KAZN: variants seen among roughly 807,000 people sequenced by gnomAD.
The protein encoded by KAZN is kazrin, periplakin interacting protein, also known as kazrin.
KAZN carries 40 observed loss-of-function variants against 87.4 expected under a neutral mutation model. The observed-to-expected ratio is 0.46, with a 90% CI of 0.36 to 0.60. The LOEUF (loss-of-function observed/expected upper bound fraction) is 0.60. Among genes scored for constraint, KAZN ranks in the 20% least tolerant of loss-of-function variants. The pLI is 0.00. For synonymous variants in KAZN, 466 were observed against 458.3 expected, an observed-to-expected ratio of 1.02 and a Z score of -0.22; for missense variants, 898 against 1,073.9, an observed-to-expected ratio of 0.84 and a Z score of 2.29.
At chr1:13,982,614 G>C (rs1638788888) in intron 1 of KAZN, among the ~76,000 whole-genome samples, 3 of 152,208 alleles carry the variant, frequency 2.0e-5, no homozygotes, top group Non-Finnish European at 4.4e-5. Context: ...ACATCCTGCT[G>C]ATTGGTAGAG....
chr1:15,051,007 G>A (rs1205910519), intron 4 of KAZN, among the ~76,000 whole-genome samples: 1 of 152,234 alleles, frequency 6.6e-6, no homozygotes, highest in Non-Finnish European at 1.5e-5. Flanking sequence ...GTGCCACAGA[G>A]TGTGTTTATG....
chr1:15,081,869 T>C lies in KAZN; in HGVS notation c.1223-12311T>C, dbSNP rs1424331209. ...GGGTCACAGCAAGGACCTTGGGCTTTACCAGGGAGCCATTGAAGGATGATG... is the reference window on the plus strand; with the variant it reads ...GGGTCACAGCAAGGACCTTGGGCTTCACCAGGGAGCCATTGAAGGATGATG... On this transcript the variant is annotated intron_variant, in intron 8 of 14. Transcript: ENST00000376030. This position sits in a 1 kb window ranked among gnomAD's most constrained non-coding sequence, Gnocchi z 4.1. Among the ~76,000 whole-genome samples the C allele has an allele frequency of 2.3e-4, 35 of 152,064 alleles. No individual in the cohort carries two copies. Among genetic ancestry groups the C allele is most frequent in the Admixed American group, 2.3e-3 (35 of 15,278 alleles).
At chr1:13,936,247 C>G (rs778854155) in intron 1 of KAZN, among the ~76,000 whole-genome samples, 2 of 151,618 alleles carry the variant, frequency 1.3e-5, no homozygotes, top group Non-Finnish European at 2.9e-5. Context: ...CAGGCATGCA[C>G]CACCATGCCT....
chr1:14,372,148 G>T (rs111259566), intron 2 of KAZN, among the ~76,000 whole-genome samples: 1 of 152,156 alleles, frequency 6.6e-6, no homozygotes, highest in Admixed American at 6.5e-5. Context: ...AGCAAATGAC[G>T]AGTTTGTATC....
chr1:14,448,471 T>A (rs985300862), intron 2 of KAZN, among the ~76,000 whole-genome samples: 5 of 152,158 alleles, frequency 3.3e-5, no homozygotes, highest in Admixed American at 2.0e-4. Flanking sequence ...ATCTGCAGAG[T>A]ATACATGGTC....
chr1:14,625,106 C>T (rs967652117), intron 1 of KAZN, among the ~76,000 whole-genome samples: 4 of 152,100 alleles, frequency 2.6e-5, no homozygotes, highest in Admixed American at 1.3e-4. Flanking sequence ...GGGTCCCCCC[C>T]GACACCGCGT....
chr1:14,534,729 A>C (rs1276305817), intron 2 of KAZN, among the ~76,000 whole-genome samples: 1 of 152,206 alleles, frequency 6.6e-6, no homozygotes, highest in African/African-American at 2.4e-5. Context: ...TCTGCCCCAG[A>C]CACCAGGCTG....
At chr1:14,921,775 A>G (rs924989126) in intron 1 of KAZN, among the ~76,000 whole-genome samples, 4 of 152,220 alleles carry the variant, frequency 2.6e-5, no homozygotes, top group Non-Finnish European at 5.9e-5. Context: ...GTGCTGGCAC[A>G]ATCTCGGCTA....
In KAZN at chr1:14,349,427, A is replaced by G. The variant is rs570196535; in HGVS notation, c.249+168835A>G. 21 of 152,326 alleles carry G rather than the reference A, an allele frequency of 1.4e-4. No homozygotes were observed. The East Asian group carries it at 4.1e-3, about 29-fold the overall frequency. The allele number at this position is 152,326 out of a possible 1,614,324, so 9.4% of individuals were successfully genotyped here. ...AGTCACACATATTATTCCACATTCC[A>G]TATTTTATTTCTTGAAAAATAAAAT... On this transcript the variant is annotated intron_variant, in intron 2 of 16. Coordinates refer to the KAZN transcript ENST00000636203.
chr1:14,613,996 C>G (rs1253218920), intron 1 of KAZN, among the ~76,000 whole-genome samples: 1 of 152,190 alleles, frequency 6.6e-6, no homozygotes, highest in Non-Finnish European at 1.5e-5. Context: ...TGCAGAGTGA[C>G]TTCCTGGTAT....
intron 8 of KAZN, among the ~76,000 whole-genome samples, chr1:15,089,088 C>T (rs1387154493): frequency 1.3e-5 from 2 of 152,102 alleles, no homozygotes; most frequent in Non-Finnish European, 2.9e-5. Flanking sequence ...CTCCCTCTCT[C>T]CCTCTCCTCC....
intron 1 of KAZN, among the ~76,000 whole-genome samples, chr1:14,865,492 G>A (rs61442160): frequency 0.31 from 46,707 of 152,010 alleles, 8,638 homozygotes; most frequent in African/African-American, 0.51. Flanking sequence ...CTGCTGCTGC[G>A]GTGACCTTCC....
At chr1:14,229,276 G>C (rs919894925) in intron 2 of KAZN, among the ~76,000 whole-genome samples, 2 of 152,138 alleles carry the variant, frequency 1.3e-5, no homozygotes, top group Non-Finnish European at 1.5e-5. Context: ...TATAAATGCT[G>C]TTTTGGCACA....
chr1:14,167,691 C>G (rs1388292417), intron 1 of KAZN, among the ~76,000 whole-genome samples: 1 of 152,052 alleles, frequency 6.6e-6, no homozygotes, highest in African/African-American at 2.4e-5. Context: ...CCACTTCACT[C>G]CAGCCTGCGT....
At chr1:13,982,224 A>C (rs993673337) in intron 1 of KAZN, among the ~76,000 whole-genome samples, 1 of 152,136 alleles carries the variant, frequency 6.6e-6, no homozygotes, top group South Asian at 2.1e-4. Context: ...GGGCTGCCTC[A>C]CAGTGCCCAC....
intron 2 of KAZN, among the ~76,000 whole-genome samples, chr1:14,189,852 A>T (rs1646387570): frequency 6.6e-6 from 1 of 152,182 alleles, no homozygotes; most frequent in South Asian, 2.1e-4. Context: ...TTCTTAGGAT[A>T]ACTCTTGGCA....
At chr1:13,992,912 C>G (rs1639350708) in intron 1 of KAZN, among the ~76,000 whole-genome samples, 1 of 152,112 alleles carries the variant, frequency 6.6e-6, no homozygotes, top group Admixed American at 6.5e-5. Flanking sequence ...ATTTATTTTT[C>G]TTTTTAAGTT....
At chr1:14,326,841 G>A (rs1052925083) in intron 2 of KAZN, among the ~76,000 whole-genome samples, 1 of 151,992 alleles carries the variant, frequency 6.6e-6, no homozygotes, top group African/African-American at 2.4e-5. Flanking sequence ...GACCTTCTCC[G>A]TGATTTTTCT....
intron 1 of KAZN, among the ~76,000 whole-genome samples, chr1:14,063,520 A>G (rs778877872): frequency 6.6e-6 from 1 of 152,138 alleles, no homozygotes; most frequent in Non-Finnish European, 1.5e-5. Context: ...TCAGGTTTGG[A>G]GGGTGATTCT....
Sources: gnomAD v4.1 joint callset for allele counts (sites outside exome capture counted in the v4.1 genomes callset) on GRCh38, gnomAD v4.1.1 for gene constraint, Gnocchi (gnomAD v3.1) non-coding constraint, MANE v1.5 for transcripts, NCBI Gene and HGNC (gene_info 2026-07-23, HGNC 2026-07-21) for gene names.